GNB1L: variants seen among roughly 807,000 people sequenced by gnomAD.
GNB1L encodes guanine nucleotide-binding protein subunit beta-like protein 1.
Under a neutral mutation model 29.1 loss-of-function variants are expected in GNB1L, and 20 were observed. That is an observed-to-expected ratio of 0.69 (90% CI 0.48 to 1.00). The LOEUF is 1.00. Among genes scored for constraint, GNB1L ranks in the 50% least tolerant of loss-of-function variants. The pLI is 0.00. For synonymous variants in GNB1L, 193 were observed against 206.5 expected (o/e 0.93, Z 0.56); for missense variants, 421 against 464.9 (o/e 0.91, Z 0.87).
In GNB1L at chr22:19,806,769, A is replaced by G. The variant is rs1937441002; in HGVS notation, c.418-12T>C. 2 of 1,595,650 alleles carry G rather than the reference A, an allele frequency of 1.3e-6. No homozygotes were observed. The highest frequency in any genetic ancestry group is 1.7e-6 in the Non-Finnish European group (2 of 1,163,430). On this transcript the variant is annotated splice_polypyrimidine_tract_variant and intron_variant, in intron 5 of 7. Transcript: ENST00000329517. The stretch of plus-strand genomic sequence containing the variant: ...TCCAGAATCTGAACCTGACAGTAAG[A>G]AAACAAGTTGATTTGGGCCGTCGCC...
Position 19,812,291 on chromosome 22 carries a change from G to A in GNB1L, c.411C>T (p.Ser137=), listed in dbSNP as rs774377396. The A allele has an allele frequency of 1.2e-5, 20 of 1,612,048 alleles. No homozygotes were observed. Among genetic ancestry groups the A allele is most frequent in the Admixed American group, 1.7e-5 (1 of 59,906 alleles). Residue 137 remains serine, a synonymous_variant, in exon 5 of 8, where the codon AGC becomes AGT. Coordinates refer to ENST00000329517, the MANE Select transcript of GNB1L (RefSeq NM_053004.3). ...CAGGCAGGCTGGCTCTCACCTCGTC[G>A]CTGCCCCTCCCTGGCACGGCAAGCG... ...RWTLAVPGRG[S]DEVQILEMPS...
chr22:19,812,761 G>A (rs1030389606), intron 4 of GNB1L, among the ~76,000 whole-genome samples: 2 of 152,220 alleles, frequency 1.3e-5, no homozygotes, highest in African/African-American at 4.8e-5. Flanking sequence ...ACTTCACTGT[G>A]TGCACCCTAA....
rs1472538262 is a variant in GNB1L at position 19,786,532 on chromosome 22, G to C, written c.*2177C>G. The C allele has an allele frequency of 3.3e-5, 5 of 152,362 alleles. No homozygotes were observed. Among genetic ancestry groups the C allele is most frequent in the Non-Finnish European group, 7.3e-5 (5 of 68,136 alleles). 9.4% of individuals were successfully genotyped at this position (152,362 alleles called of 1,614,324 possible). A position where few individuals can be genotyped will look rare whatever the true frequency, so the allele number is the denominator to read the frequency against. ...ACCCACCTCGTGGCTGTGGGACGTA[G>C]GGAGTTTTGTAACTACAGTGATGAT... On this transcript the variant is annotated 3_prime_UTR_variant, in exon 8 of 8. Coordinates refer to ENST00000329517, the MANE Select transcript of GNB1L (RefSeq NM_053004.3).
intron 2 of GNB1L, among the ~76,000 whole-genome samples, chr22:19,821,733 C>T (rs1937581159): frequency 6.6e-6 from 1 of 152,230 alleles, no homozygotes; most frequent in Non-Finnish European, 1.5e-5. Flanking sequence ...TGAGTGGGCA[C>T]AGCGGCATCC....
chr22:19,799,987 C>T (rs1207722473), intron 7 of GNB1L, among the ~76,000 whole-genome samples: 1 of 152,240 alleles, frequency 6.6e-6, no homozygotes, highest in Non-Finnish European at 1.5e-5. Context: ...CTGGCCCATG[C>T]AACACAGGGC....
In GNB1L at chr22:19,787,410, A is replaced by T. The variant is rs1937201340; in HGVS notation, c.*1299T>A. ...CAGGTCTGTTCCGGGAACTCCCCTGATCCACCCCTGCTCCGGCCACCTGGA... is the reference window on the plus strand; with the variant it reads ...CAGGTCTGTTCCGGGAACTCCCCTGTTCCACCCCTGCTCCGGCCACCTGGA... On this transcript the variant is annotated 3_prime_UTR_variant, in exon 8 of 8. Coordinates refer to ENST00000329517, the MANE Select transcript of GNB1L (RefSeq NM_053004.3). 6.6e-6 allele frequency: 1 copy of T among 152,436 alleles called. No homozygotes were observed. The highest frequency in any genetic ancestry group is 1.5e-5 in the Non-Finnish European group (1 of 68,298). 9.4% of individuals were successfully genotyped at this position (152,436 alleles called of 1,614,324 possible). A position where few individuals can be genotyped will look rare whatever the true frequency, so the allele number is the denominator to read the frequency against.
Position 19,788,865 on chromosome 22 carries a change from G to A in GNB1L, c.828C>T (p.Arg276=). Residue 276 remains arginine (R), a synonymous_variant, in exon 8 of 8, where the codon CGC becomes CGT. Coordinates refer to ENST00000329517, the MANE Select transcript of GNB1L (RefSeq NM_053004.3). Reference sequence around the variant, plus strand: ...TCGTCCGCCAGTGGAACACGCGGATGCGGTGGTCCCAGCCTGCGGTGGCCA... The same window carrying A: ...TCGTCCGCCAGTGGAACACGCGGATACGGTGGTCCCAGCCTGCGGTGGCCA... ...KILATAGWDH[R]IRVFHWRTMQ... The A allele has an allele frequency of 6.2e-7, 1 of 1,612,904 alleles. No homozygotes were observed. Among genetic ancestry groups the A allele is most frequent in the Non-Finnish European group, 8.5e-7 (1 of 1,179,950 alleles).
At chr22:19,853,653 C>A (rs1183103115) in intron 2 of GNB1L, among the ~76,000 whole-genome samples, 1 of 152,114 alleles carries the variant, frequency 6.6e-6, no homozygotes. Flanking sequence ...CTAGAACCTG[C>A]CAGGGCCACT....
At chr22:19,805,002 T>C (rs1488703043) in intron 6 of GNB1L, among the ~76,000 whole-genome samples, 3 of 152,168 alleles carry the variant, frequency 2.0e-5, no homozygotes, top group Non-Finnish European at 4.4e-5. Flanking sequence ...GCGGAGCCCA[T>C]GTCAAGCCCT....
chr22:19,813,941 A>G (rs1294064587), intron 4 of GNB1L, among the ~76,000 whole-genome samples: 1 of 152,188 alleles, frequency 6.6e-6, no homozygotes, highest in Non-Finnish European at 1.5e-5. Context: ...AGCTGCAGTG[A>G]GCCATGATCG....
At position 19,816,205 on chromosome 22, in the gene GNB1L, C is replaced by T. The variant is rs989590611; in HGVS notation, c.255-3758G>A. Among the ~76,000 whole-genome samples the T allele has an allele frequency of 6.6e-6, 1 of 152,212 alleles. No homozygotes were observed. Among genetic ancestry groups the T allele is most frequent in the East Asian group, 1.9e-4 (1 of 5,194 alleles). On this transcript the variant is annotated intron_variant, in intron 4 of 7. Transcript: ENST00000329517. This position sits in a 1 kb window ranked among gnomAD's most constrained non-coding sequence, Gnocchi z 4.4. Reference sequence around the variant, plus strand: ...ACTCCTTCCTTCCCTGGGGACGAGGCCCAGGCCCATATTCCTCAGATGACA... The same window carrying T: ...ACTCCTTCCTTCCCTGGGGACGAGGTCCAGGCCCATATTCCTCAGATGACA...
In GNB1L at chr22:19,847,803, G is replaced by GAAAAAAAAAAAAAAAAA. The variant is rs1468350618; in HGVS notation, c.-21+6639_-21+6640insTTTTTTTTTTTTTTTTT. On this transcript the variant is annotated intron_variant, in intron 2 of 7. Coordinates refer to ENST00000329517, the MANE Select transcript of GNB1L (RefSeq NM_053004.3). ...AACTTTTAAAATCCTGGAATCATAG[G>GAAAAAAAAAAAAAAAAA]CAAAAAAAAAAAAAAAAAAAAATTC... is the stretch of plus-strand genomic sequence containing the variant. 8.4e-5 allele frequency: 37 copies of GAAAAAAAAAAAAAAAAA among 440,348 alleles called. 1 individual carries two copies. The highest frequency in any genetic ancestry group is 6.5e-4 in the South Asian group (7 of 10,770). 27.3% of individuals were successfully genotyped at this position (440,348 alleles called of 1,614,324 possible). A position where few individuals can be genotyped will look rare whatever the true frequency, so the allele number is the denominator to read the frequency against.
In GNB1L at chr22:19,820,701, T is replaced by C. The variant is rs1937571275; in HGVS notation, c.151A>G (p.Ile51Val). 6.2e-7 allele frequency: 1 copy of C among 1,613,512 alleles called. No individual in the cohort carries two copies. Among genetic ancestry groups the C allele is most frequent in the Non-Finnish European group, 8.5e-7 (1 of 1,179,762 alleles). The change falls in exon 4 of 8, where the codon ATC becomes GTC. Residue 51 changes from isoleucine to valine, a missense_variant. Transcript: ENST00000329517. Reference sequence around the variant, plus strand: ...GCTCTCCGCGTCTGCAGGCTCCAGATGTGTACCAGGCCACTCTGAGACCTG... The same window carrying C: ...GCTCTCCGCGTCTGCAGGCTCCAGACGTGTACCAGGCCACTCTGAGACCTG... The part of the protein sequence containing the change: ...FSGSQSGLVH[I>V]WSLQTRRAVT...
intron 7 of GNB1L, among the ~76,000 whole-genome samples, chr22:19,790,268 C>T (rs9618690): frequency 2.0e-5 from 3 of 152,054 alleles, no homozygotes; most frequent in East Asian, 3.8e-4. Flanking sequence ...GCTATGGAAC[C>T]GGTTATTATA....
chr22:19,849,887 G>C, intron 2 of GNB1L: 3 of 985,454 alleles, frequency 3.0e-6, no homozygotes, highest in Non-Finnish European at 3.6e-6. Context: ...CCTATCCTGT[G>C]GTAAACTTGG....
intron 5 of GNB1L, among the ~76,000 whole-genome samples, chr22:19,810,825 G>A (rs1937491470): frequency 6.6e-6 from 1 of 152,238 alleles, no homozygotes; most frequent in African/African-American, 2.4e-5. Flanking sequence ...GGATGTGAGA[G>A]GTCCCCAGAC....
intron 2 of GNB1L, among the ~76,000 whole-genome samples, chr22:19,834,155 GA>G (rs1937726425): frequency 6.6e-6 from 1 of 152,006 alleles, no homozygotes. Flanking sequence ...AGAACATGAT[GA>G]ACCATAAACG....
At chr22:19,808,011 C>T (rs1043868280) in intron 5 of GNB1L, among the ~76,000 whole-genome samples, 5 of 152,218 alleles carry the variant, frequency 3.3e-5, no homozygotes, top group Non-Finnish European at 7.3e-5. Flanking sequence ...AGGGCCACGG[C>T]GCTTCTTGTG....
chr22:19,806,888 G>A (rs1937443148), intron 5 of GNB1L, 131 bp from the exon 6 acceptor site: 7 of 730,644 alleles, frequency 9.6e-6, no homozygotes, highest in South Asian at 7.5e-5. Flanking sequence ...GTGGGCACCT[G>A]GGAGCCCAGG....
Sources: allele counts gnomAD v4.1 joint callset (sites outside exome capture counted in the v4.1 genomes callset), GRCh38; gene constraint gnomAD v4.1.1; non-coding constraint Gnocchi (gnomAD v3.1); transcripts MANE v1.5; gene names NCBI Gene and HGNC (gene_info 2026-07-23, HGNC 2026-07-21).